The following TTLL4 variants were observed in gnomAD, a reference collection of about 807,000 sequenced individuals.
TTLL4 encodes tubulin tyrosine ligase like 4.
Under a neutral mutation model 122.7 loss-of-function variants are expected in TTLL4, and 85 were observed. The observed-to-expected ratio is 0.69, with a 90% CI of 0.58 to 0.83. The LOEUF (loss-of-function observed/expected upper bound fraction) is 0.83, where lower values mean the gene tolerates loss of function less well. Among genes scored for constraint, TTLL4 ranks in the 40% least tolerant of loss-of-function variants. The probability of loss-of-function intolerance (pLI) is 0.00; values close to 1 mark genes in which losing one functional copy is unlikely to be tolerated. For synonymous variants in TTLL4, 553 were observed against 563.0 expected (o/e 0.98, Z 0.25); for missense variants, 1,363 against 1,488.6 (o/e 0.92, Z 1.39).
At chr2:218,717,598 A>T (rs1575157068) in intron 1 of TTLL4, among the ~76,000 whole-genome samples, 1 of 152,028 alleles carries the variant, frequency 6.6e-6, no homozygotes, top group African/African-American at 2.4e-5. Context: ...CTGTAATTTC[A>T]CTAATCTTGA....
chr2:218,742,925 C>A (rs1942740914), intron 5 of TTLL4, among the ~76,000 whole-genome samples: 1 of 152,048 alleles, frequency 6.6e-6, no homozygotes, highest in Non-Finnish European at 1.5e-5. Context: ...GAGTTTGAGA[C>A]CAGCCTGGCC....
At chr2:218,718,353 C>T (rs1213536018) in intron 1 of TTLL4, among the ~76,000 whole-genome samples, 1 of 151,852 alleles carries the variant, frequency 6.6e-6, no homozygotes, top group African/African-American at 2.4e-5. Context: ...TGTTGGTTTG[C>T]GACAGCAGCA....
At position 218,748,881 on chromosome 2, in the gene TTLL4, T is replaced by A. The variant is rs565735104; in HGVS notation, c.2547T>A (p.Asn849Lys). ...LWNYLSQKGV[N>K]SDAIWEKIKD... is the part of the protein sequence containing the mutation. ...ACTACCTGAGCCAGAAGGGAGTCAA[T>A]AGCGACGCCATCTGGGAGAAGATAA... The change falls in exon 13 of 20, where the codon AAT becomes AAA. Residue 849 changes from asparagine (N) to lysine (K), a missense_variant. This residue lies in a region of TTLL4 where 596 missense variants were observed against 655.8 expected (regional missense o/e 0.91). Transcript: ENST00000392102. 3.1e-6 allele frequency: 5 copies of A among 1,614,112 alleles called. No individual in the cohort carries two copies. Among genetic ancestry groups the A allele is most frequent in the Non-Finnish European group, 4.2e-6 (5 of 1,180,008 alleles).
intron 2 of TTLL4, among the ~76,000 whole-genome samples, chr2:218,736,582 A>G (rs1191458912): frequency 7.3e-6 from 1 of 137,324 alleles, no homozygotes; most frequent in Non-Finnish European, 1.7e-5. Flanking sequence ...GCTGCTGGAA[A>G]TAAAGTCACT....
intron 1 of TTLL4, among the ~76,000 whole-genome samples, chr2:218,719,028 T>C (rs928293378): frequency 5.9e-5 from 9 of 152,232 alleles, no homozygotes; most frequent in African/African-American, 9.6e-5. Flanking sequence ...CTTACCCCTT[T>C]ATTCAAGTTT....
intron 2 of TTLL4, among the ~76,000 whole-genome samples, chr2:218,736,927 G>A (rs935671292): frequency 6.7e-6 from 1 of 148,850 alleles, no homozygotes; most frequent in African/African-American, 2.5e-5. Flanking sequence ...TCAGCTCACT[G>A]CAACCTCTGC....
chr2:218,748,528 G>A (rs773941797), intron 12 of TTLL4: 33 of 432,726 alleles, frequency 7.6e-5, no homozygotes, highest in South Asian at 3.0e-4. Flanking sequence ...GGTGGCAGGC[G>A]CCTACAATCC....
Position 218,751,250 on chromosome 2 carries a change from AT to A in TTLL4, c.2874-445del, listed in dbSNP as rs544662018. 8.6e-5 allele frequency among the ~76,000 whole-genome samples: 13 copies of A among 151,244 alleles called. No homozygotes were observed. The East Asian group carries it at 1.9e-3, about 23-fold the overall frequency. ...TTTTAGTCATCTTTTTAAAATTATT[AT>A]TTTTTTTTAGAGACAGAGTCTCACT... is the stretch of plus-strand genomic sequence containing the variant. On this transcript the variant is annotated intron_variant, in intron 15 of 19. Transcript: ENST00000392102.
rs771486583 is a variant in TTLL4, at chr2:218,747,723, C to G, written c.2376C>G (p.Cys792Trp). The G allele has an allele frequency of 6.2e-7, 1 of 1,614,166 alleles. No individual in the cohort carries two copies. Among genetic ancestry groups the G allele is most frequent in the South Asian group, 1.1e-5 (1 of 91,084 alleles). ...FSDGLVRFAS[C>W]KYSPSMKSLG... ...ATGGACTGGTCCGCTTTGCCAGTTG[C>G]AAGTATGTGACAGTGGTGAGGTATC... The change falls in exon 11 of 20, where the codon TGC becomes TGG. Residue 792 changes from cysteine (C) to tryptophan (W), a missense_variant and splice_region_variant. This residue lies in a region of TTLL4 where 596 missense variants were observed against 655.8 expected (regional missense o/e 0.91). Transcript: ENST00000392102. The surrounding 1 kb of genome is among the most constrained non-coding windows in gnomAD (Gnocchi z 4.7).
intron 2 of TTLL4, among the ~76,000 whole-genome samples, chr2:218,728,220 T>C (rs1942252189): frequency 6.6e-6 from 1 of 152,186 alleles, no homozygotes; most frequent in Admixed American, 6.5e-5. Context: ...GTGCACTCTA[T>C]TTCTGTAAAT....
intron 1 of TTLL4, among the ~76,000 whole-genome samples, chr2:218,719,821 A>T (rs1941980200): frequency 6.6e-6 from 1 of 152,236 alleles, no homozygotes; most frequent in Admixed American, 6.5e-5. Flanking sequence ...CTGATGAAGC[A>T]ATACAGCAAA....
At chr2:218,730,347 A>AAAAAAAAAAAAT (rs1942342546) in intron 2 of TTLL4, among the ~76,000 whole-genome samples, 1 of 121,824 alleles carries the variant, frequency 8.2e-6, no homozygotes. Context: ...AAAAAAAAAA[A>AAAAAAAAAAAAT]AAGAAAAAAA....
downstream of TTLL4, among the ~76,000 whole-genome samples, chr2:218,758,781 C>G (rs12613545): frequency 1.3e-5 from 2 of 152,042 alleles, no homozygotes; most frequent in African/African-American, 4.8e-5. Flanking sequence ...TAGATTCTTA[C>G]AAAGTGAAAC....
chr2:218,721,232 C>G (rs1456351594), intron 1 of TTLL4, among the ~76,000 whole-genome samples: 1 of 109,470 alleles, frequency 9.1e-6, no homozygotes, highest in Non-Finnish European at 1.8e-5. Flanking sequence ...CTCAATTTAC[C>G]CCCAATTAAT....
In TTLL4 at chr2:218,750,116, G is replaced by C; in HGVS notation, c.2843G>C (p.Ser948Thr). Residue 948 changes from serine to threonine, a missense_variant, in exon 15 of 20, where the codon AGC (serine) becomes ACC (threonine). By Grantham distance (58) the Ser-to-Thr change is moderately conservative. Coordinates refer to ENST00000392102, the MANE Select transcript of TTLL4 (RefSeq NM_014640.5). ...VLPNAEDIIS[S>T]PSSCSSSTTS... Reference sequence around the variant, plus strand: ...CCCAATGCAGAGGATATCATTTCCAGCCCCAGCAGCTGCAGCAGCTCCACC... The same window carrying C: ...CCCAATGCAGAGGATATCATTTCCACCCCCAGCAGCTGCAGCAGCTCCACC... 5 of 1,613,864 alleles carry C rather than the reference G, an allele frequency of 3.1e-6. No homozygotes were observed. Among genetic ancestry groups the C allele is most frequent in the Non-Finnish European group, 4.2e-6 (5 of 1,179,870 alleles).
At chr2:218,756,714 A>G (rs1943157846), downstream of TTLL4, among the ~76,000 whole-genome samples, 1 of 152,210 alleles carries the variant, frequency 6.6e-6, no homozygotes, top group Admixed American at 6.5e-5. Context: ...TTGTCAGAAT[A>G]TGTCAGTTGT....
At chr2:218,717,539 G>C (rs1381122695) in intron 1 of TTLL4, among the ~76,000 whole-genome samples, 1 of 152,154 alleles carries the variant, frequency 6.6e-6, no homozygotes, top group East Asian at 1.9e-4. Flanking sequence ...CTTTTCCTCA[G>C]GTTTGCTTAC....
chr2:218,729,774 A>C (rs973260626), intron 2 of TTLL4, among the ~76,000 whole-genome samples: 1 of 151,262 alleles, frequency 6.6e-6, no homozygotes, highest in African/African-American at 2.4e-5. Flanking sequence ...AAAAAAAAAA[A>C]AAACAGGATC....
downstream of TTLL4, among the ~76,000 whole-genome samples, chr2:218,756,668 G>A (rs780124063): frequency 3.3e-5 from 5 of 152,160 alleles, no homozygotes; most frequent in Non-Finnish European, 7.4e-5. Flanking sequence ...AGATTTTTTT[G>A]GGAAGGTTAA....
Sources: allele counts gnomAD v4.1 joint callset (sites outside exome capture counted in the v4.1 genomes callset), GRCh38; gene constraint gnomAD v4.1.1; regional missense constraint gnomAD v4.1.1; non-coding constraint Gnocchi (gnomAD v3.1); transcripts MANE v1.5; gene names NCBI Gene and HGNC (gene_info 2026-07-23, HGNC 2026-07-21).